Variants in CAMK1D observed in about 807,000 individuals in gnomAD.
CAMK1D encodes calcium/calmodulin dependent protein kinase ID.
A neutral mutation model predicts 47.7 loss-of-function variants in CAMK1D; 9 were observed. That is an observed-to-expected ratio of 0.19 (90% confidence interval 0.11 to 0.33). The LOEUF (loss-of-function observed/expected upper bound fraction) is 0.33. CAMK1D is among the 10% of genes least tolerant of loss of function. The pLI, the probability that CAMK1D is intolerant of heterozygous loss-of-function variation, is 1.00. For synonymous variants in CAMK1D, 184 were observed against 184.9 expected (o/e 0.99, Z 0.04); for missense variants, 291 against 488.7 (o/e 0.60, Z 3.81).
At chr10:12,439,016 C>T (rs1361028270) in intron 1 of CAMK1D, among the ~76,000 whole-genome samples, 1 of 152,274 alleles carries the variant, frequency 6.6e-6, no homozygotes, top group East Asian at 1.9e-4. Flanking sequence ...TTTCCTGTCT[C>T]TTCCTCTCCT....
intron 1 of CAMK1D, among the ~76,000 whole-genome samples, chr10:12,417,152 C>T (rs566393915): frequency 6.6e-6 from 1 of 152,214 alleles, no homozygotes; most frequent in South Asian, 2.1e-4. Flanking sequence ...TGGCATATAG[C>T]AAGTTTTCAA....
At chr10:12,647,802 C>G (rs1448006841) in intron 2 of CAMK1D, among the ~76,000 whole-genome samples, 2 of 152,174 alleles carry the variant, frequency 1.3e-5, no homozygotes, top group Non-Finnish European at 2.9e-5. Flanking sequence ...CTCAGGAGTT[C>G]TTGACCTCAG....
intron 3 of CAMK1D, among the ~76,000 whole-genome samples, chr10:12,713,426 A>G (rs1433536792): frequency 6.6e-6 from 1 of 152,136 alleles, no homozygotes; most frequent in Non-Finnish European, 1.5e-5. Flanking sequence ...GCTCCCACGA[A>G]TTCCAGGGGT....
At chr10:12,781,548 G>A (rs1837492656) in intron 5 of CAMK1D, among the ~76,000 whole-genome samples, 1 of 152,192 alleles carries the variant, frequency 6.6e-6, no homozygotes, top group Non-Finnish European at 1.5e-5. Context: ...AGATGAGAAT[G>A]GTAATTACAT....
intron 1 of CAMK1D, among the ~76,000 whole-genome samples, chr10:12,468,604 G>A (rs1214683370): frequency 6.6e-6 from 1 of 152,134 alleles, no homozygotes; most frequent in African/African-American, 2.4e-5. Context: ...CTCCTTCACA[G>A]CCCCACACAG....
At chr10:12,716,607 A>G (rs1404049603) in intron 3 of CAMK1D, among the ~76,000 whole-genome samples, 2 of 151,962 alleles carry the variant, frequency 1.3e-5, no homozygotes, top group Non-Finnish European at 2.9e-5. Context: ...CACACCCAGC[A>G]CCCTGCACCT....
intron 2 of CAMK1D, among the ~76,000 whole-genome samples, chr10:12,554,253 C>G (rs2492945): frequency 0.86 from 108,458 of 125,724 alleles, 49,941 homozygotes; most frequent in Non-Finnish European, 0.91. Context: ...CACCTCCTGG[C>G]TTCAAGCGAT....
intron 3 of CAMK1D, among the ~76,000 whole-genome samples, chr10:12,688,409 T>A (rs1832739931): frequency 6.6e-6 from 1 of 152,222 alleles, no homozygotes; most frequent in Admixed American, 6.5e-5. Flanking sequence ...ATCTAATTAC[T>A]AACTTCTCTT....
At chr10:12,781,160 A>AG (rs1344167627) in intron 5 of CAMK1D, among the ~76,000 whole-genome samples, 4 of 152,150 alleles carry the variant, frequency 2.6e-5, no homozygotes, top group Non-Finnish European at 4.4e-5. Context: ...GGTGGGAAAG[A>AG]GGGGGAGGGC....
intron 2 of CAMK1D, among the ~76,000 whole-genome samples, chr10:12,604,768 G>A (rs1838400737): frequency 6.6e-6 from 1 of 152,084 alleles, no homozygotes; most frequent in Non-Finnish European, 1.5e-5. Context: ...TAGAAGGAAG[G>A]AGTGACTACT....
intron 1 of CAMK1D, among the ~76,000 whole-genome samples, chr10:12,418,243 C>G (rs1161806239): frequency 6.6e-6 from 1 of 152,178 alleles, no homozygotes; most frequent in Admixed American, 6.5e-5. Flanking sequence ...AACATGCCAT[C>G]AAAACATATG....
chr10:12,615,822 A>G (rs976106423), intron 2 of CAMK1D, among the ~76,000 whole-genome samples: 5 of 148,718 alleles, frequency 3.4e-5, no homozygotes, highest in African/African-American at 7.5e-5. Flanking sequence ...GTGTATAGGT[A>G]TATGTGTGCG....
chr10:12,380,680 C>G (rs1017342997), intron 1 of CAMK1D, among the ~76,000 whole-genome samples: 1 of 152,128 alleles, frequency 6.6e-6, no homozygotes, highest in Non-Finnish European at 1.5e-5. Flanking sequence ...CACGGTGAAA[C>G]CCCATCTCTA....
rs10554443 is a variant in CAMK1D at position 12,683,741 on chromosome 10, GGTGTGTGTGTGTGTGTGT to G, written c.299+16956_299+16973del. On this transcript the variant is annotated intron_variant, in intron 3 of 10. Coordinates refer to ENST00000619168, the MANE Select transcript of CAMK1D (RefSeq NM_153498.4). The stretch of plus-strand genomic sequence containing the variant: ...TGAAGTAAATGAATTTAGGAATCCA[GGTGTGTGTGTGTGTGTGT>G]GTGTGTGTGTGTGTGTGTGTGTGTA... Among the ~76,000 whole-genome samples the G allele has an allele frequency of 1.5e-4, 22 of 144,978 alleles. No homozygotes were observed. The East Asian group carries it at 2.9e-3, about 19-fold the overall frequency.
At chr10:12,716,072 C>T (rs1033574257) in intron 3 of CAMK1D, among the ~76,000 whole-genome samples, 1 of 152,038 alleles carries the variant, frequency 6.6e-6, no homozygotes, top group East Asian at 1.9e-4. Flanking sequence ...GCGTCAGGCT[C>T]AGTGCTAAGC....
intron 5 of CAMK1D, among the ~76,000 whole-genome samples, chr10:12,781,140 G>A (rs554382699): frequency 3.9e-5 from 6 of 152,302 alleles, no homozygotes; most frequent in East Asian, 3.9e-4. Flanking sequence ...GGGAGGTCAC[G>A]TTTTGTCGTG....
chr10:12,406,722 C>CAAAAAAAAAAAAAAAA (rs3061400), intron 1 of CAMK1D, among the ~76,000 whole-genome samples: 1 of 69,242 alleles, frequency 1.4e-5, no homozygotes, highest in African/African-American at 6.9e-5. Flanking sequence ...GACCCTGTCT[C>CAAAAAAAAAAAAAAAA]AAAAAAAAAA....
intron 3 of CAMK1D, among the ~76,000 whole-genome samples, chr10:12,715,048 T>G (rs1834075205): frequency 6.6e-6 from 1 of 152,156 alleles, no homozygotes; most frequent in African/African-American, 2.4e-5. Context: ...ACATTAGAAC[T>G]ATTCCTTCTA....
At chr10:12,583,089 G>T (rs1213402438) in intron 2 of CAMK1D, among the ~76,000 whole-genome samples, 4 of 152,104 alleles carry the variant, frequency 2.6e-5, no homozygotes, top group Non-Finnish European at 5.9e-5. Context: ...ACGAGATTCT[G>T]TCTCAAAAAC....
Sources: gnomAD v4.1 joint callset for allele counts (sites outside exome capture counted in the v4.1 genomes callset) on GRCh38, gnomAD v4.1.1 for gene constraint, MANE v1.5 for transcripts, NCBI Gene and HGNC (gene_info 2026-07-23, HGNC 2026-07-21) for gene names.